Variants in PHKB observed in about 807,000 individuals in gnomAD.
PHKB encodes the protein phosphorylase b kinase regulatory subunit beta.
A neutral mutation model predicts 152.1 loss-of-function variants in PHKB; 122 were observed. The observed-to-expected ratio is 0.80, with a 90% confidence interval of 0.69 to 0.93. The LOEUF (loss-of-function observed/expected upper bound fraction) is 0.93, where lower values mean the gene tolerates loss of function less well. PHKB is among the 40% of genes least tolerant of loss of function. PHKB has a pLI of 0.00. For missense variants in PHKB, 1,304 were observed against 1,328.4 expected (o/e 0.98, Z 0.29); for synonymous variants, 436 against 464.9 (o/e 0.94, Z 0.80).
In PHKB at chr16:47,547,450, C is replaced by G. The variant is rs764531985; in HGVS notation, c.612C>G (p.Asn204Lys). The G allele has an allele frequency of 1.2e-6, 2 of 1,606,618 alleles. No individual in the cohort carries two copies. The highest frequency in any genetic ancestry group is 2.2e-5 in the South Asian group (2 of 90,920). The change falls in exon 7 of 31, where the codon AAC (asparagine) becomes AAG (lysine). Residue 204 changes from asparagine (N) to lysine (K), a missense_variant. Coordinates refer to ENST00000323584, the MANE Select transcript of PHKB (RefSeq NM_000293.3). Reference protein sequence around the residue: ...YNTDEVSFIQNLVFCVERVYR... With the variant: ...YNTDEVSFIQKLVFCVERVYR... ...TCTTTTAGGTCTCTTTTATTCAAAA[C>G]CTTGTATTTTGTGTGGAAAGAGTTT...
intron 13 of PHKB, among the ~76,000 whole-genome samples, chr16:47,602,357 C>T (rs1003021144): frequency 2.6e-5 from 4 of 152,186 alleles, no homozygotes; most frequent in Non-Finnish European, 5.9e-5. Flanking sequence ...AAGTTCCCAA[C>T]TTAATTTCTT....
At chr16:47,668,742 C>T (rs1420159332) in intron 25 of PHKB, among the ~76,000 whole-genome samples, 1 of 152,142 alleles carries the variant, frequency 6.6e-6, no homozygotes, top group Non-Finnish European at 1.5e-5. Flanking sequence ...ACTGGGTGGC[C>T]TCACACCTGC....
chr16:47,610,838 T>C lies in PHKB; in HGVS notation c.1376T>C (p.Ile459Thr), dbSNP rs918762902. The C allele has an allele frequency of 9.4e-6, 15 of 1,598,970 alleles. No homozygotes were observed. Among genetic ancestry groups the C allele is most frequent in the Non-Finnish European group, 1.2e-5 (14 of 1,166,478 alleles). The change falls in exon 14 of 31, where the codon ATT becomes ACT. Residue 459 changes from isoleucine (I) to threonine (T), a missense_variant. By Grantham distance (89) the Ile-to-Thr change is moderately conservative. Coordinates refer to ENST00000323584, the MANE Select transcript of PHKB (RefSeq NM_000293.3). ...IIAKLLADEL[I>T]SPKDIDPVQR... The stretch of plus-strand genomic sequence containing the variant: ...TTCTTTTTTTCAGCTGATGAACTTA[T>C]TAGTCCTAAAGACATTGATCCTGTC...
chr16:47,607,391 T>C (rs568279702), intron 13 of PHKB, among the ~76,000 whole-genome samples: 2 of 152,298 alleles, frequency 1.3e-5, no homozygotes, highest in South Asian at 2.1e-4. Context: ...TCTAATTCTA[T>C]AGATTTGCCT....
At chr16:47,494,382 A>G (rs1970199358) in intron 1 of PHKB, among the ~76,000 whole-genome samples, 1 of 152,212 alleles carries the variant, frequency 6.6e-6, no homozygotes, top group South Asian at 2.1e-4. Flanking sequence ...ATATTAATAT[A>G]ATAAAAGTTA....
At chr16:47,573,838 A>G (rs1373814619) in intron 7 of PHKB, among the ~76,000 whole-genome samples, 1 of 152,238 alleles carries the variant, frequency 6.6e-6, no homozygotes, top group Non-Finnish European at 1.5e-5. Context: ...GTTAGCTGGC[A>G]GAATTCTGTG....
At chr16:47,577,132 G>T (rs1971762772) in intron 7 of PHKB, among the ~76,000 whole-genome samples, 1 of 151,716 alleles carries the variant, frequency 6.6e-6, no homozygotes, top group African/African-American at 2.4e-5. Context: ...GGTACTTAAA[G>T]ATTTTTTTAA....
At chr16:47,622,699 G>A (rs1972638331) in intron 14 of PHKB, among the ~76,000 whole-genome samples, 1 of 152,132 alleles carries the variant, frequency 6.6e-6, no homozygotes, top group African/African-American at 2.4e-5. Context: ...ACAGTCTTTG[G>A]AGAAAAGGCC....
intron 7 of PHKB, among the ~76,000 whole-genome samples, chr16:47,551,610 T>G (rs1971271973): frequency 6.6e-6 from 1 of 152,230 alleles, no homozygotes. Context: ...CTTTTGCATT[T>G]GCTGAGGAGT....
intron 6 of PHKB, 55 bp downstream of exon 6, chr16:47,515,656 T>A (rs1012906047): frequency 1.3e-6 from 1 of 793,814 alleles, no homozygotes; most frequent in South Asian, 1.4e-5. Flanking sequence ...AATATCTATT[T>A]TTTTTTTTAG....
chr16:47,680,765 T>G (rs1302200713), intron 26 of PHKB, among the ~76,000 whole-genome samples: 1 of 152,178 alleles, frequency 6.6e-6, no homozygotes, highest in Non-Finnish European at 1.5e-5. Flanking sequence ...GTGTCTCTAT[T>G]TCCTTCAGTT....
At chr16:47,645,003 C>T (rs1367085349) in intron 16 of PHKB, among the ~76,000 whole-genome samples, 2 of 152,084 alleles carry the variant, frequency 1.3e-5, no homozygotes, top group Admixed American at 6.6e-5. Flanking sequence ...ATTTAAGGGG[C>T]AATACTCTTA....
At chr16:47,535,236 C>A (rs1240151066) in intron 6 of PHKB, among the ~76,000 whole-genome samples, 1 of 152,140 alleles carries the variant, frequency 6.6e-6, no homozygotes, top group Non-Finnish European at 1.5e-5. Context: ...GAAGAGAAAT[C>A]CTGAAATGTT....
At chr16:47,478,466 A>ATT (rs199656987) in intron 1 of PHKB, among the ~76,000 whole-genome samples, 1,572 of 127,830 alleles carry the variant, frequency 0.012, 46 homozygotes, top group African/African-American at 0.045. Context: ...TTGCTGTGAA[A>ATT]TTTTTTTTTT....
chr16:47,605,110 A>C (rs1317567285), intron 13 of PHKB, among the ~76,000 whole-genome samples: 1 of 152,218 alleles, frequency 6.6e-6, no homozygotes, highest in East Asian at 1.9e-4. Flanking sequence ...TATTTCTCAC[A>C]TTTACCATTA....
At position 47,515,866 on chromosome 16, in the gene PHKB, A is replaced by G. The variant is rs1042111127; in HGVS notation, c.594+265A>G. ...TCAGGTGATCTAAAATAAAACATGT[A>G]ACTTTTAAAAAATTTTAGTAACAAT... On this transcript the variant is annotated intron_variant, in intron 6 of 30. Transcript: ENST00000323584. 3.3e-5 allele frequency among the ~76,000 whole-genome samples: 5 copies of G among 152,166 alleles called. No homozygotes were observed. In the South Asian group the frequency reaches 1.0e-3, roughly 31 times the overall value.
chr16:47,525,095 C>T (rs930947895), intron 6 of PHKB, among the ~76,000 whole-genome samples: 2 of 152,134 alleles, frequency 1.3e-5, no homozygotes, highest in Non-Finnish European at 2.9e-5. Flanking sequence ...ATTATAATTA[C>T]ATAAATTATC....
At position 47,612,334 on chromosome 16, in the gene PHKB, G is replaced by C. The variant is rs571430913; in HGVS notation, c.1458+1414G>C. Among the ~76,000 whole-genome samples, 3 of 152,302 alleles carry C rather than the reference G, an allele frequency of 2.0e-5. No homozygotes were observed. The South Asian group carries it at 6.2e-4, about 32-fold the overall frequency. Reference sequence around the variant, plus strand: ...GTCACAGATTTGAGGTGTGCAGACAGGAGCCAGAGAACATCAAAGCATTTC... The same window carrying C: ...GTCACAGATTTGAGGTGTGCAGACACGAGCCAGAGAACATCAAAGCATTTC... On this transcript the variant is annotated intron_variant, in intron 14 of 30. Coordinates refer to ENST00000323584, the MANE Select transcript of PHKB (RefSeq NM_000293.3).
At chr16:47,587,347 G>A (rs1404675271) in intron 8 of PHKB, among the ~76,000 whole-genome samples, 1 of 152,116 alleles carries the variant, frequency 6.6e-6, no homozygotes, top group Non-Finnish European at 1.5e-5. Context: ...TCTTTGTCAT[G>A]TTAGCTAAAC....
Sources: gnomAD v4.1 joint callset for allele counts (sites outside exome capture counted in the v4.1 genomes callset) on GRCh38, gnomAD v4.1.1 for gene constraint, MANE v1.5 for transcripts, NCBI Gene and HGNC (gene_info 2026-07-23, HGNC 2026-07-21) for gene names.